The following SPTAN1 variants were observed in gnomAD, a reference collection of about 807,000 sequenced individuals.
SPTAN1 encodes spectrin alpha chain, non-erythrocytic 1.
In SPTAN1, 61 loss-of-function variants were observed where a neutral mutation model predicts 331.3. The observed-to-expected ratio is 0.18, with a 90% CI of 0.15 to 0.23. The LOEUF (loss-of-function observed/expected upper bound fraction) is 0.23, where lower values mean the gene tolerates loss of function less well. Ranked by LOEUF, SPTAN1 falls within the 10% of genes least tolerant of loss-of-function variation. SPTAN1 has a pLI of 1.00. For missense variants in SPTAN1, 2,043 were observed against 3,147.9 expected, an observed-to-expected ratio of 0.65 and a Z score of 8.40; for synonymous variants, 1,153 against 1,173.9, an observed-to-expected ratio of 0.98 and a Z score of 0.36.
At chr9:128,591,372 G>T in intron 21 of SPTAN1, 105 bp from the exon 22 acceptor site, 1 of 1,503,600 alleles carries the variant, frequency 6.7e-7, no homozygotes, top group Non-Finnish European at 9.2e-7. Context: ...GGCCGTTTTG[G>T]ACCTCTTAAA....
chr9:128,610,177 A>G (rs73623534), intron 37 of SPTAN1, among the ~76,000 whole-genome samples: 127 of 152,334 alleles, frequency 8.3e-4, no homozygotes, highest in African/African-American at 2.8e-3. Flanking sequence ...AATACCTCCA[A>G]ATCTTCAAGG....
chr9:128,584,208 C>A, intron 16 of SPTAN1, 74 bp from the exon 17 acceptor site: 2 of 1,606,744 alleles, frequency 1.2e-6, no homozygotes, highest in South Asian at 2.2e-5. Context: ...GGAAAAAAGA[C>A]CTTATCAATT....
chr9:128,626,336 G>A, intron 48 of SPTAN1, 55 bp from the exon 49 acceptor site: 1 of 1,604,092 alleles, frequency 6.2e-7, no homozygotes, highest in East Asian at 2.2e-5. Context: ...CTCCTGCACT[G>A]CGTCGGCACG....
intron 41 of SPTAN1, among the ~76,000 whole-genome samples, chr9:128,617,176 T>C (rs1043051313): frequency 6.6e-6 from 1 of 151,514 alleles, no homozygotes; most frequent in East Asian, 1.9e-4. Flanking sequence ...GTGGCGGAGG[T>C]TGCAGTAAGC....
rs778485437 is a variant in SPTAN1 at position 128,617,767 on chromosome 9, A to AGGCC, written c.5478+9_5478+12dup. On this transcript the variant is annotated splice_region_variant and intron_variant, in intron 42 of 56. Coordinates refer to ENST00000372739, the MANE Select transcript of SPTAN1 (RefSeq NM_001130438.3). ...GCATGAGCCGGCTATTCAGGTAAGG[A>AGGCC]GGCCGCCTTCTGGCCAAGAGGGCAG... The AGGCC allele has an allele frequency of 6.2e-7, 1 of 1,613,676 alleles. No individual in the cohort carries two copies. Among genetic ancestry groups the AGGCC allele is most frequent in the Non-Finnish European group, 8.5e-7 (1 of 1,179,960 alleles).
At position 128,584,442 on chromosome 9, in the gene SPTAN1, G is replaced by A. The variant is rs780875433; in HGVS notation, c.2354G>A (p.Arg785Gln). The A allele has an allele frequency of 1.1e-5, 17 of 1,614,000 alleles. No homozygotes were observed. Among genetic ancestry groups the A allele is most frequent in the Admixed American group, 5.0e-5 (3 of 59,986 alleles). Residue 785 changes from arginine (R) to glutamine (Q), a missense_variant, in exon 17 of 57, where the codon CGG becomes CAG. Transcript: ENST00000372739. ...AAGCAGAAGCTGGCCGATTCTCTGC[G>A]GTTGCAGCAGCTCTTCCGGGATGTT... ...ARKQKLADSL[R>Q]LQQLFRDVED...
chr9:128,612,512 T>C (rs1389849113), intron 39 of SPTAN1, among the ~76,000 whole-genome samples: 2 of 152,244 alleles, frequency 1.3e-5, no homozygotes, highest in Admixed American at 6.5e-5. Flanking sequence ...TGGGTAGTTA[T>C]ATGGCATGCA....
chr9:128,592,145 C>T (rs1853622485), intron 22 of SPTAN1, among the ~76,000 whole-genome samples: 1 of 152,194 alleles, frequency 6.6e-6, no homozygotes, highest in Non-Finnish European at 1.5e-5. Context: ...CCAGGAAATA[C>T]ATTCCCACTA....
chr9:128,609,032 C>T (rs2131633244), intron 35 of SPTAN1, 55 bp downstream of exon 35: 1 of 1,613,718 alleles, frequency 6.2e-7, no homozygotes, highest in South Asian at 1.1e-5. Context: ...TGCATCCCCT[C>T]ATACGAAGGC....
chr9:128,593,913 C>T, intron 23 of SPTAN1: 1 of 479,802 alleles, frequency 2.1e-6, no homozygotes, highest in Non-Finnish European at 3.9e-6. Context: ...GTTCTAAGTG[C>T]AGAATCGGCC....
chr9:128,600,015 A>G (rs1357718938), intron 26 of SPTAN1, 65 bp from the exon 27 acceptor site: 5 of 1,559,698 alleles, frequency 3.2e-6, no homozygotes, highest in Non-Finnish European at 4.4e-6. Flanking sequence ...CATTCGCTGG[A>G]AAGGCCAGGT....
At chr9:128,611,021 T>C (rs1286774822) in intron 37 of SPTAN1, among the ~76,000 whole-genome samples, 1 of 152,236 alleles carries the variant, frequency 6.6e-6, no homozygotes, top group Non-Finnish European at 1.5e-5. Flanking sequence ...ATCTCATTCA[T>C]TACAGCCTGT....
In SPTAN1 at chr9:128,594,179, C is replaced by A. The variant is rs1349491364; in HGVS notation, c.3220C>A (p.His1074Asn). The change falls in exon 24 of 57, where the codon CAT (histidine) becomes AAT (asparagine). Residue 1074 changes from histidine (H) to asparagine (N), a missense_variant. Coordinates refer to ENST00000372739, the MANE Select transcript of SPTAN1 (RefSeq NM_001130438.3). ...LRMKQVEELYHSLLELGEKRK... is the reference protein window; with the variant it reads ...LRMKQVEELYNSLLELGEKRK... ...CACCCTCTTGAATTCCATCAGATAT[C>A]ATTCTCTGCTGGAACTGGGTGAGAA... 6.2e-7 allele frequency: 1 copy of A among 1,614,068 alleles called. No homozygotes were observed. Among genetic ancestry groups the A allele is most frequent in the Admixed American group, 1.7e-5 (1 of 60,008 alleles).
chr9:128,622,516 C>T (rs1858025237), intron 45 of SPTAN1, among the ~76,000 whole-genome samples: 1 of 151,842 alleles, frequency 6.6e-6, no homozygotes, highest in African/African-American at 2.4e-5. Context: ...TCAGGCTGGT[C>T]TCGAACTCCT....
At chr9:128,604,279 T>C (rs372887620) in intron 28 of SPTAN1, 47 bp from the exon 29 acceptor site, 1 of 1,585,502 alleles carries the variant, frequency 6.3e-7, no homozygotes, top group East Asian at 2.2e-5. Flanking sequence ...ACTGGGGGCA[T>C]GACAGGAGAG....
intron 53 of SPTAN1, 24 bp from the exon 54 acceptor site, chr9:128,632,407 C>T (rs1402417202): frequency 5.6e-6 from 9 of 1,613,826 alleles, no homozygotes; most frequent in Middle Eastern, 1.6e-4. Flanking sequence ...AGGGTCTGTT[C>T]CCTAATTTCT....
At chr9:128,601,125 A>G (rs987716726) in intron 27 of SPTAN1, among the ~76,000 whole-genome samples, 2 of 151,314 alleles carry the variant, frequency 1.3e-5, no homozygotes, top group Admixed American at 1.3e-4. Flanking sequence ...CTGGGGTTAC[A>G]GGCATGCACC....
intron 10 of SPTAN1, 108 bp downstream of exon 10, chr9:128,579,846 T>C (rs1851727940): frequency 2.2e-6 from 2 of 915,520 alleles, no homozygotes; most frequent in Middle Eastern, 2.3e-4. Flanking sequence ...CACCATGATA[T>C]GTGAGAAACT....
At chr9:128,630,821 C>T (rs1009509742) in intron 52 of SPTAN1, among the ~76,000 whole-genome samples, 1 of 152,210 alleles carries the variant, frequency 6.6e-6, no homozygotes, top group African/African-American at 2.4e-5. Flanking sequence ...CCTCCTGCCT[C>T]AACCTCCCAA....
Sources: allele counts gnomAD v4.1 joint callset (sites outside exome capture counted in the v4.1 genomes callset), GRCh38; gene constraint gnomAD v4.1.1; transcripts MANE v1.5; gene names NCBI Gene and HGNC (gene_info 2026-07-23, HGNC 2026-07-21).